The following SCG5 variants were observed in gnomAD, a reference collection of about 807,000 sequenced individuals.
The protein encoded by SCG5 is neuroendocrine protein 7B2.
Under a neutral mutation model 25.7 loss-of-function variants are expected in SCG5, and 18 were observed. The ratio of observed to expected loss-of-function variants is 0.70; its 90% CI spans 0.48 to 1.04. SCG5 has a LOEUF of 1.04. Ranked by LOEUF, SCG5 falls within the 50% of genes least tolerant of loss-of-function variation. SCG5 has a pLI of 0.00. For synonymous variants in SCG5, 101 were observed against 91.7 expected (o/e 1.10, Z -0.58); for missense variants, 206 against 259.8 (o/e 0.79, Z 1.42).
intron 5 of SCG5, among the ~76,000 whole-genome samples, chr15:32,695,737 C>G (rs1471026177): frequency 6.6e-6 from 1 of 152,062 alleles, no homozygotes; most frequent in African/African-American, 2.4e-5. Flanking sequence ...CCACTTGGCC[C>G]TACTCTTCTC....
At chr15:32,669,132 G>A (rs1402632758) in intron 2 of SCG5, 2 of 152,192 alleles carry the variant, frequency 1.3e-5, no homozygotes, top group Non-Finnish European at 2.9e-5. Context: ...CAGGAGCAGA[G>A]TACTACATGT....
intron 2 of SCG5, chr15:32,677,597 G>GTGT (rs1408052369): frequency 3.3e-5 from 5 of 151,986 alleles, no homozygotes; most frequent in Admixed American, 3.3e-4. Context: ...TGGAAGCATG[G>GTGT]TGTTGTTTTT....
chr15:32,660,764 A>G (rs934879633), intron 2 of SCG5, among the ~76,000 whole-genome samples: 4 of 152,228 alleles, frequency 2.6e-5, no homozygotes, highest in African/African-American at 7.2e-5. Flanking sequence ...GATTACCCCT[A>G]GTACTTAAGA....
chr15:32,688,096 C>T (rs2054753517), intron 4 of SCG5, among the ~76,000 whole-genome samples: 1 of 152,176 alleles, frequency 6.6e-6, no homozygotes, highest in African/African-American at 2.4e-5. Flanking sequence ...ACCCCATCAT[C>T]TGACTCCAGA....
At chr15:32,664,951 C>T (rs769098110) in intron 2 of SCG5, among the ~76,000 whole-genome samples, 1 of 152,162 alleles carries the variant, frequency 6.6e-6, no homozygotes, top group African/African-American at 2.4e-5. Context: ...CTATGGGAGC[C>T]CAGCCTCTAG....
At chr15:32,673,608 C>T (rs1052154463) in intron 2 of SCG5, among the ~76,000 whole-genome samples, 8 of 150,664 alleles carry the variant, frequency 5.3e-5, no homozygotes, top group Admixed American at 6.6e-5. Context: ...AGGGCCTAGG[C>T]GCACTCTCAA....
At chr15:32,669,014 T>TAG in intron 2 of SCG5, 1 of 152,342 alleles carries the variant, frequency 6.6e-6, no homozygotes, top group Middle Eastern at 3.4e-3. Context: ...GAACCCGACA[T>TAG]ACTCTGCTTA....
intron 2 of SCG5, among the ~76,000 whole-genome samples, chr15:32,665,364 G>GTTT: frequency 6.8e-6 from 1 of 146,696 alleles, no homozygotes; most frequent in African/African-American, 2.5e-5. Flanking sequence ...CTGGTTTGGG[G>GTTT]TTTTTTTTTT....
intron 4 of SCG5, among the ~76,000 whole-genome samples, chr15:32,690,759 A>C (rs370625492): frequency 3.3e-5 from 5 of 151,834 alleles, no homozygotes; most frequent in African/African-American, 1.2e-4. Flanking sequence ...CTCAGAGGAT[A>C]CATGTTGTAT....
At chr15:32,696,346 T>C (rs1466361209) in intron 5 of SCG5, among the ~76,000 whole-genome samples, 168 bp from the exon 6 acceptor site, 1 of 152,154 alleles carries the variant, frequency 6.6e-6, no homozygotes, top group African/African-American at 2.4e-5. Context: ...CTCGATCTCC[T>C]GACCTCGTGA....
intron 3 of SCG5, among the ~76,000 whole-genome samples, chr15:32,683,515 G>T (rs1042372983): frequency 6.6e-6 from 1 of 152,164 alleles, no homozygotes; most frequent in East Asian, 1.9e-4. Flanking sequence ...ATTTCAAAGG[G>T]CAGTCATAGT....
chr15:32,675,652 A>G (rs1469052477), intron 2 of SCG5, among the ~76,000 whole-genome samples: 1 of 152,216 alleles, frequency 6.6e-6, no homozygotes, highest in Non-Finnish European at 1.5e-5. Context: ...TTATTGCTAC[A>G]CAGTATGTTG....
chr15:32,672,914 A>C (rs1230329884), intron 2 of SCG5: 10 of 71,658 alleles, frequency 1.4e-4, no homozygotes, highest in Admixed American at 5.9e-4. Flanking sequence ...ATAACATCAC[A>C]AAAAAAAAAA....
intron 2 of SCG5, among the ~76,000 whole-genome samples, chr15:32,649,791 A>G (rs977148377): frequency 1.3e-5 from 2 of 152,220 alleles, no homozygotes; most frequent in Admixed American, 1.3e-4. Context: ...TTACATGAAA[A>G]AAAAGAGTGT....
intron 2 of SCG5, among the ~76,000 whole-genome samples, chr15:32,673,548 G>GTGTGTGTGTGTA (rs2054478535): frequency 6.6e-6 from 1 of 151,446 alleles, no homozygotes; most frequent in Non-Finnish European, 1.5e-5. Flanking sequence ...GTGTGTGTGT[G>GTGTGTGTGTGTA]TGTGTGTGTG....
intron 2 of SCG5, among the ~76,000 whole-genome samples, chr15:32,675,740 G>A (rs527658330): frequency 6.6e-6 from 1 of 152,234 alleles, no homozygotes; most frequent in Admixed American, 6.5e-5. Flanking sequence ...GCCGTATCCT[G>A]GTTACATTAT....
chr15:32,669,100 A>G (rs144244857), intron 2 of SCG5: 8 of 152,338 alleles, frequency 5.3e-5, no homozygotes, highest in Non-Finnish European at 1.0e-4. Context: ...TATCCCAGAA[A>G]TCCTCTAAGT....
chr15:32,659,048 C>T (rs1448343809), intron 2 of SCG5, among the ~76,000 whole-genome samples: 2 of 152,048 alleles, frequency 1.3e-5, no homozygotes, highest in Non-Finnish European at 2.9e-5. Flanking sequence ...TGGTGGCGGG[C>T]ACCTGTAGTC....
chr15:32,677,490 C>T (rs907112666), intron 2 of SCG5: 1 of 152,200 alleles, frequency 6.6e-6, no homozygotes, highest in African/African-American at 2.4e-5. Context: ...CCAAAACAAA[C>T]AAAGGCAAGT....
Sources: gnomAD v4.1 joint callset for allele counts (sites outside exome capture counted in the v4.1 genomes callset) on GRCh38, gnomAD v4.1.1 for gene constraint, MANE v1.5 for transcripts, NCBI Gene and HGNC (gene_info 2026-07-23, HGNC 2026-07-21) for gene names.